The following NDUFV2 variants were observed in gnomAD, a reference collection of about 807,000 sequenced individuals.
NDUFV2 encodes NADH dehydrogenase [ubiquinone] flavoprotein 2, mitochondrial.
In NDUFV2, 18 loss-of-function variants were observed where a neutral mutation model predicts 31.6. That is an observed-to-expected ratio of 0.57 (90% CI 0.39 to 0.84). The LOEUF is 0.84. NDUFV2 is among the 40% of genes least tolerant of loss of function. The pLI is 0.00. For synonymous variants in NDUFV2, 83 were observed against 99.8 expected (o/e 0.83, Z 1.01); for missense variants, 314 against 303.6 (o/e 1.03, Z -0.26).
At chr18:9,125,522 T>C (rs1225369287) in intron 6 of NDUFV2, among the ~76,000 whole-genome samples, 4 of 151,672 alleles carry the variant, frequency 2.6e-5, no homozygotes, top group Non-Finnish European at 4.4e-5. Context: ...GTCTTTTTTG[T>C]TTTTGATTGA....
At chr18:9,106,604 T>G (rs1448560383) in intron 1 of NDUFV2, among the ~76,000 whole-genome samples, 1 of 152,236 alleles carries the variant, frequency 6.6e-6, no homozygotes, top group Non-Finnish European at 1.5e-5. Context: ...CAAAGGACTC[T>G]AAAGAAGTTA....
chr18:9,116,834 C>G (rs2077900594), intron 1 of NDUFV2, among the ~76,000 whole-genome samples: 3 of 152,078 alleles, frequency 2.0e-5, no homozygotes, highest in East Asian at 1.9e-4. Flanking sequence ...CAGTGTTCTG[C>G]CGTCTGTGGT....
chr18:9,117,770 A>T, intron 1 of NDUFV2, 68 bp from the exon 2 acceptor site: 1 of 863,434 alleles, frequency 1.2e-6, no homozygotes, highest in Non-Finnish European at 2.0e-6. Context: ...TGAATCCTAA[A>T]GTATTTCTTT....
At chr18:9,125,412 G>A (rs114027737) in intron 6 of NDUFV2, among the ~76,000 whole-genome samples, 90 of 152,042 alleles carry the variant, frequency 5.9e-4, no homozygotes, top group African/African-American at 2.1e-3. Context: ...GTCTATATAT[G>A]TATGCAGCTA....
At position 9,102,807 on chromosome 18, in the gene NDUFV2, C is replaced by T; in HGVS notation, c.54+10C>T. 1.3e-6 allele frequency: 2 copies of T among 1,559,100 alleles called. No homozygotes were observed. The highest frequency in any genetic ancestry group is 1.7e-6 in the Non-Finnish European group (2 of 1,153,938). On this transcript the variant is annotated intron_variant, in intron 1 of 7. Transcript: ENST00000318388. ...CCTCACCGCCCACTGGGTAAGGAGG[C>T]TCAAGCTGAGCCCGGCGCTGCCGCC...
intron 6 of NDUFV2, among the ~76,000 whole-genome samples, chr18:9,125,756 T>C (rs1598350396): frequency 3.3e-5 from 5 of 152,266 alleles, no homozygotes; most frequent in Admixed American, 3.3e-4. Flanking sequence ...GTAGATTTTC[T>C]TTTAAGAAGG....
chr18:9,131,240 A>T (rs2078037905), intron 7 of NDUFV2, among the ~76,000 whole-genome samples: 1 of 152,166 alleles, frequency 6.6e-6, no homozygotes, highest in South Asian at 2.1e-4. Context: ...GAGGAAGAGG[A>T]GGGGTTGGCC....
At chr18:9,133,408 G>C (rs1300926877) in intron 7 of NDUFV2, 1 of 152,226 alleles carries the variant, frequency 6.6e-6, no homozygotes, top group African/African-American at 2.4e-5. Flanking sequence ...AGCGTGTGTG[G>C]GGTTGACAGA....
chr18:9,117,542 C>T (rs992905936), intron 1 of NDUFV2: 13 of 352,444 alleles, frequency 3.7e-5, no homozygotes, highest in African/African-American at 6.2e-5. Context: ...TACATTAATT[C>T]TCCAAATGCA....
chr18:9,123,941 A>AG (rs1285431278), intron 5 of NDUFV2, among the ~76,000 whole-genome samples: 2 of 152,214 alleles, frequency 1.3e-5, no homozygotes, highest in South Asian at 2.1e-4. Flanking sequence ...TAAATGTATG[A>AG]GACTACCCAT....
chr18:9,103,958 A>C (rs376903545), intron 1 of NDUFV2: 1 of 518,446 alleles, frequency 1.9e-6, no homozygotes, highest in Non-Finnish European at 3.3e-6. Flanking sequence ...ATTACAGATA[A>C]GGAAAAGATT....
chr18:9,127,797 C>T (rs962190153), intron 7 of NDUFV2, among the ~76,000 whole-genome samples: 2 of 152,110 alleles, frequency 1.3e-5, no homozygotes, highest in Non-Finnish European at 2.9e-5. Context: ...GAGATACATA[C>T]TGAGCAGCAC....
intron 7 of NDUFV2, among the ~76,000 whole-genome samples, chr18:9,133,706 T>C (rs2078060201): frequency 6.6e-6 from 1 of 152,242 alleles, no homozygotes; most frequent in South Asian, 2.1e-4. Context: ...CTGTGGATCT[T>C]GATCTAAATA....
At position 9,106,262 on chromosome 18, in the gene NDUFV2, G is replaced by A. The variant is rs72942554; in HGVS notation, c.54+3465G>A. 6.4e-4 allele frequency among the ~76,000 whole-genome samples: 97 copies of A among 152,236 alleles called. 1 individual carries two copies. Among genetic ancestry groups the A allele is most frequent in the Non-Finnish European group, 1.1e-3 (74 of 68,016 alleles). ...TCTGTTGTTCCAAACTCTCACTGAGGCCTGCCTTCAGGCTAAAAGATGTGA... is the reference window on the plus strand; with the variant it reads ...TCTGTTGTTCCAAACTCTCACTGAGACCTGCCTTCAGGCTAAAAGATGTGA... On this transcript the variant is annotated intron_variant, in intron 1 of 7. Coordinates refer to ENST00000318388, the MANE Select transcript of NDUFV2 (RefSeq NM_021074.5).
At chr18:9,131,678 A>G (rs1488214741) in intron 7 of NDUFV2, among the ~76,000 whole-genome samples, 1 of 152,234 alleles carries the variant, frequency 6.6e-6, no homozygotes, top group African/African-American at 2.4e-5. Context: ...ACTTTAAGCC[A>G]TGAAAGTTTA....
At chr18:9,108,981 C>A (rs930983261) in intron 1 of NDUFV2, among the ~76,000 whole-genome samples, 17 of 152,218 alleles carry the variant, frequency 1.1e-4, no homozygotes, top group African/African-American at 3.4e-4. Flanking sequence ...TGAGCCACTG[C>A]ACCCAGCCTC....
At chr18:9,131,952 G>A (rs370534971) in intron 7 of NDUFV2, among the ~76,000 whole-genome samples, 1 of 152,126 alleles carries the variant, frequency 6.6e-6, no homozygotes, top group Admixed American at 6.5e-5. Context: ...GAAAGGGGGG[G>A]TTACATTTTT....
chr18:9,104,423 C>A (rs934094576), intron 1 of NDUFV2, among the ~76,000 whole-genome samples: 1 of 152,040 alleles, frequency 6.6e-6, no homozygotes, highest in Non-Finnish European at 1.5e-5. Flanking sequence ...GATTTGGACC[C>A]AGAAACAGGG....
intron 2 of NDUFV2, among the ~76,000 whole-genome samples, chr18:9,118,249 T>C (rs2077909140): frequency 6.6e-6 from 1 of 152,178 alleles, no homozygotes; most frequent in African/African-American, 2.4e-5. Context: ...ATGACACTAG[T>C]TTGAAACTCA....
Sources: allele counts gnomAD v4.1 joint callset (sites outside exome capture counted in the v4.1 genomes callset), GRCh38; gene constraint gnomAD v4.1.1; transcripts MANE v1.5; gene names NCBI Gene and HGNC (gene_info 2026-07-23, HGNC 2026-07-21).